CTNNA2: variants seen among roughly 807,000 people sequenced by gnomAD.
CTNNA2 encodes catenin alpha-2.
Under a neutral mutation model 101.0 loss-of-function variants are expected in CTNNA2, and 42 were observed. The observed-to-expected ratio is 0.42, with a 90% CI of 0.32 to 0.54. CTNNA2 has a LOEUF of 0.54. CTNNA2 is among the 20% of genes least tolerant of loss of function. The pLI is 0.14. For missense variants in CTNNA2, 871 were observed against 1,223.1 expected (o/e 0.71, Z 4.29); for synonymous variants, 450 against 456.4 (o/e 0.99, Z 0.18).
At chr2:79,430,025 TAA>T (rs1164618523) in intron 4 of CTNNA2, among the ~76,000 whole-genome samples, 1 of 151,990 alleles carries the variant, frequency 6.6e-6, no homozygotes, top group Non-Finnish European at 1.5e-5. Context: ...ATATGAGAGG[TAA>T]AAAGTCTGAT....
chr2:80,040,851 A>C (rs1179387194), intron 7 of CTNNA2, among the ~76,000 whole-genome samples: 1 of 152,218 alleles, frequency 6.6e-6, no homozygotes, highest in Admixed American at 6.5e-5. Context: ...AATTTACCTT[A>C]AGGAAATAAT....
intron 13 of CTNNA2, among the ~76,000 whole-genome samples, chr2:80,578,176 C>T (rs2570777): frequency 0.42 from 64,352 of 151,716 alleles, 14,069 homozygotes; most frequent in East Asian, 0.56. Context: ...AGGAGAGAAT[C>T]TGGAGTCTGA....
intron 7 of CTNNA2, among the ~76,000 whole-genome samples, chr2:79,930,298 A>AAG (rs1491079341): frequency 5.1e-4 from 8 of 15,718 alleles, no homozygotes; most frequent in Non-Finnish European, 1.2e-4. Flanking sequence ...GAGAAAGAGA[A>AAG]AGAAAGAAAG....
chr2:80,425,874 A>G (rs767479039), intron 9 of CTNNA2, among the ~76,000 whole-genome samples: 12 of 152,186 alleles, frequency 7.9e-5, no homozygotes, highest in Non-Finnish European at 1.3e-4. Context: ...TAAAATGTTC[A>G]TAGGAAAAAT....
intron 3 of CTNNA2, among the ~76,000 whole-genome samples, chr2:79,817,431 G>A (rs1341520432): frequency 7.0e-6 from 1 of 143,422 alleles, no homozygotes; most frequent in African/African-American, 2.6e-5. Context: ...AGAATAAGTA[G>A]CCTGGGATCA....
intron 3 of CTNNA2, chr2:79,339,535 A>T (rs1329448319): frequency 6.6e-6 from 1 of 152,212 alleles, no homozygotes; most frequent in Non-Finnish European, 1.5e-5. Flanking sequence ...TGCAGTTTTC[A>T]AATGATTTTT....
chr2:79,379,887 A>G lies in CTNNA2; in HGVS notation c.-135+5874A>G, dbSNP rs1218847159. ...GGTGGAAGAAAGATCTGAGAGAGGA[A>G]GAAGTAAATATAGACAAATTCAATC... On this transcript the variant is annotated intron_variant, in intron 4 of 21. Coordinates refer to the CTNNA2 transcript ENST00000466387. Among the ~76,000 whole-genome samples, 3 of 152,250 alleles carry G rather than the reference A, an allele frequency of 2.0e-5. No individual in the cohort carries two copies. The East Asian group carries it at 5.8e-4, about 29-fold the overall frequency.
intron 3 of CTNNA2, among the ~76,000 whole-genome samples, chr2:79,326,016 A>C (rs1676737258): frequency 6.6e-6 from 1 of 152,190 alleles, no homozygotes; most frequent in South Asian, 2.1e-4. Flanking sequence ...GTTTATGATG[A>C]TAAAACAGAA....
chr2:80,457,093 T>A (rs544898754), intron 9 of CTNNA2, among the ~76,000 whole-genome samples: 1 of 152,264 alleles, frequency 6.6e-6, no homozygotes, highest in African/African-American at 2.4e-5. Flanking sequence ...CATGTTTTTT[T>A]TTGGACAGAG....
chr2:79,430,545 T>C (rs979619638), intron 4 of CTNNA2, among the ~76,000 whole-genome samples: 1 of 152,166 alleles, frequency 6.6e-6, no homozygotes, highest in Non-Finnish European at 1.5e-5. Flanking sequence ...ACATTTACCA[T>C]TAGAAATCCA....
intron 7 of CTNNA2, among the ~76,000 whole-genome samples, chr2:80,168,118 G>A (rs1315445848): frequency 6.6e-5 from 10 of 152,226 alleles, no homozygotes; most frequent in South Asian, 4.1e-4. Flanking sequence ...GTATCAGAGA[G>A]GCACCACCAG....
intron 4 of CTNNA2, among the ~76,000 whole-genome samples, chr2:79,482,628 T>C (rs1346871348): frequency 6.6e-6 from 1 of 152,110 alleles, no homozygotes; most frequent in Non-Finnish European, 1.5e-5. Context: ...ATCTCAGAAC[T>C]CTATTCAAAG....
At chr2:79,621,478 G>A (rs1348833088) in intron 1 of CTNNA2, among the ~76,000 whole-genome samples, 1 of 152,118 alleles carries the variant, frequency 6.6e-6, no homozygotes, top group Non-Finnish European at 1.5e-5. Context: ...AGTGTCAATT[G>A]CGAAATCTCC....
At chr2:80,198,337 T>C (rs542953281) in intron 7 of CTNNA2, among the ~76,000 whole-genome samples, 1 of 152,294 alleles carries the variant, frequency 6.6e-6, no homozygotes, top group Non-Finnish European at 1.5e-5. Context: ...GAAAGGAGAT[T>C]GCTTTCAAAG....
intron 3 of CTNNA2, among the ~76,000 whole-genome samples, chr2:79,855,487 A>G (rs1681057754): frequency 6.6e-6 from 1 of 152,190 alleles, no homozygotes. Context: ...TCGTTCTGGC[A>G]AGACCTGTCT....
intron 3 of CTNNA2, among the ~76,000 whole-genome samples, chr2:79,746,624 A>G (rs536369667): frequency 3.1e-4 from 47 of 152,084 alleles, no homozygotes; most frequent in Non-Finnish European, 8.8e-5. Flanking sequence ...CTTACCTCCT[A>G]TATATCTGTT....
intron 7 of CTNNA2, among the ~76,000 whole-genome samples, chr2:80,078,164 T>A (rs539987173): frequency 5.9e-5 from 9 of 152,270 alleles, no homozygotes; most frequent in African/African-American, 2.2e-4. Context: ...CAGTGTTAGG[T>A]GCATAACATA....
chr2:80,100,732 C>A (rs1334074968), intron 7 of CTNNA2, among the ~76,000 whole-genome samples: 3 of 152,192 alleles, frequency 2.0e-5, no homozygotes, highest in Non-Finnish European at 4.4e-5. Flanking sequence ...TTTATGGCAA[C>A]TCTTCGTCTG....
chr2:79,840,386 C>T (rs577532611), intron 3 of CTNNA2, among the ~76,000 whole-genome samples: 1 of 152,298 alleles, frequency 6.6e-6, no homozygotes, highest in South Asian at 2.1e-4. Context: ...TCTAAAGTTA[C>T]CAGTACTTCA....
Sources: gnomAD v4.1 joint callset for allele counts (sites outside exome capture counted in the v4.1 genomes callset) on GRCh38, gnomAD v4.1.1 for gene constraint, MANE v1.5 for transcripts, NCBI Gene and HGNC (gene_info 2026-07-23, HGNC 2026-07-21) for gene names.